Variants in MAP7D3 observed in about 807,000 individuals in gnomAD.
MAP7D3 encodes MAP7 domain containing 3, also known as MAP7 domain-containing protein 3.
In MAP7D3, 45 loss-of-function variants were observed where a neutral mutation model predicts 62.2. That is an observed-to-expected ratio of 0.72 (90% CI 0.57 to 0.93). The LOEUF (loss-of-function observed/expected upper bound fraction) is 0.93, where lower values mean the gene tolerates loss of function less well. Ranked by LOEUF, MAP7D3 falls within the 40% of genes least tolerant of loss-of-function variation. The probability of loss-of-function intolerance (pLI) is 0.00; values close to 1 mark genes in which losing one functional copy is unlikely to be tolerated. For synonymous variants in MAP7D3, 288 were observed against 248.8 expected (o/e 1.16, Z -1.48); for missense variants, 711 against 683.1 (o/e 1.04, Z -0.45).
chrX:136,241,255 T>TA lies in MAP7D3; in HGVS notation c.439dup (p.Tyr147LeufsTer11), dbSNP rs761456919. 1 of 1,143,470 alleles carries TA rather than the reference T, an allele frequency of 8.7e-7. No individual in the cohort carries two copies. Among genetic ancestry groups the TA allele is most frequent in the Non-Finnish European group, 1.2e-6 (1 of 848,790 alleles). The allele number at this position is 1,143,470 out of a possible 1,213,427, so 94.2% of individuals were successfully genotyped here. A position where few individuals can be genotyped will look rare whatever the true frequency, so the allele number is the denominator to read the frequency against. On this transcript the variant is annotated frameshift_variant, in exon 5 of 19. Transcript: ENST00000316077. LOFTEE classifies it high-confidence loss of function. ...AAGTCTCCTCCGTTCCAAAGTACGA[T>TA]AAAGAATGGCTGTAAATTTTTCCTA...
At chrX:136,241,128 C>A in intron 5 of MAP7D3, 32 bp downstream of exon 5, 1 of 828,326 alleles carries the variant, frequency 1.2e-6, no homozygotes, top group Non-Finnish European at 1.8e-6. Flanking sequence ...AGAACATAAA[C>A]AAACTTAAAA....
Position 136,230,976 on chromosome X carries a change from T to C in MAP7D3, c.1414-10A>G. The C allele has an allele frequency of 8.5e-7, 1 of 1,170,900 alleles. No homozygotes were observed. Among genetic ancestry groups the C allele is most frequent in the Non-Finnish European group, 1.1e-6 (1 of 870,754 alleles). ...TGTCCATTTCTGATTTCTGAACAGA[T>C]AAACACAGTATGGTAAATTACTAAC... On this transcript the variant is annotated splice_polypyrimidine_tract_variant and intron_variant, in intron 8 of 18. Coordinates refer to ENST00000316077, the MANE Select transcript of MAP7D3 (RefSeq NM_024597.4).
intron 1 of MAP7D3, among the ~76,000 whole-genome samples, chrX:136,246,705 G>C (rs1161645354): frequency 8.9e-6 from 1 of 111,882 alleles, no homozygotes; most frequent in East Asian, 2.8e-4. Flanking sequence ...GAGCTGGCGA[G>C]GAATTGGGAA....
intron 15 of MAP7D3, 26 bp downstream of exon 15, chrX:136,222,367 A>C: frequency 8.9e-7 from 1 of 1,120,006 alleles, no homozygotes. Flanking sequence ...GAACCTAAGC[A>C]GTCTAGCTCC....
intron 12 of MAP7D3, among the ~76,000 whole-genome samples, chrX:136,226,347 T>C (rs1472640590): frequency 9.0e-6 from 1 of 111,405 alleles, no homozygotes; most frequent in African/African-American, 3.3e-5. Context: ...TCAAAAGCAC[T>C]GAGAGGATTC....
intron 14 of MAP7D3, among the ~76,000 whole-genome samples, chrX:136,222,791 G>A (rs1382656259): frequency 5.5e-5 from 6 of 109,940 alleles, no homozygotes; most frequent in African/African-American, 1.7e-4. Flanking sequence ...TAACTAAGGC[G>A]GGATGGGACT....
Position 136,246,295 on chromosome X carries a change from C to T in MAP7D3, c.117G>A (p.Val39=), listed in dbSNP as rs1484978651. The T allele has an allele frequency of 4.1e-6, 5 of 1,205,647 alleles. No homozygotes were observed. Among genetic ancestry groups the T allele is most frequent in the Non-Finnish European group, 5.6e-6 (5 of 890,418 alleles). The change falls in exon 2 of 19, where the codon GTG becomes GTA. Residue 39 remains valine, a synonymous_variant. Transcript: ENST00000316077. ...EIAKERRKQD[V]VNRVATHSSN... ...AGGAATGGGTTGCAACACGATTAAC[C>T]ACATCTTGCTTCCTCCTTTCCTTAG...
At chrX:136,251,726 T>G, upstream of MAP7D3, 2 of 165,410 alleles carry the variant, frequency 1.2e-5, no homozygotes, top group Non-Finnish European at 2.0e-5. Context: ...ATTCATTCAT[T>G]TAAAGAACAT....
chrX:136,226,344 C>A (rs2074197067), intron 12 of MAP7D3, among the ~76,000 whole-genome samples: 1 of 111,342 alleles, frequency 9.0e-6, no homozygotes, highest in African/African-American at 3.3e-5. Context: ...TTCTCAAAAG[C>A]ACTGAGAGGA....
Position 136,244,645 on chromosome X carries a change from TC to T in MAP7D3, c.403del (p.Asp135MetfsTer62). The T allele has an allele frequency of 8.3e-7, 1 of 1,209,204 alleles. No homozygotes were observed. The highest frequency in any genetic ancestry group is 1.1e-6 in the Non-Finnish European group (1 of 894,599). On this transcript the variant is annotated frameshift_variant, in exon 4 of 19. Coordinates refer to ENST00000316077, the MANE Select transcript of MAP7D3 (RefSeq NM_024597.4). LOFTEE classifies it high-confidence loss of function. ...AAAATTATGTACCTTTTGTGCTTCA[TC>T]CTTCTGGTGTCTTTTTTCTTCTGCA... ...IAAEEKRHQKDEAQKEKFTAI... is the reference protein window; with the variant it reads ...IAAEEKRHQKXEAQKEKFTAI...
At chrX:136,235,609 C>T (rs113165666) in intron 7 of MAP7D3, among the ~76,000 whole-genome samples, 1 of 110,835 alleles carries the variant, frequency 9.0e-6, no homozygotes, top group African/African-American at 3.3e-5. Context: ...ATTAGCCAGG[C>T]GTGGTGGCAG....
In MAP7D3 at chrX:136,232,221, C is replaced by T. The variant is rs1157371805; in HGVS notation, c.737-1G>A. ...ATTACATAATTGGTGACGCCTGTAA[C>T]TGAATGAGGACAGAGCATGAAATTC... On this transcript the variant is annotated splice_acceptor_variant, in intron 7 of 18. Coordinates refer to ENST00000316077, the MANE Select transcript of MAP7D3 (RefSeq NM_024597.4). LOFTEE classifies it high-confidence loss of function. 8.5e-7 allele frequency: 1 copy of T among 1,172,123 alleles called. No homozygotes were observed. Among genetic ancestry groups the T allele is most frequent in the South Asian group, 1.9e-5 (1 of 53,528 alleles).
intron 4 of MAP7D3, among the ~76,000 whole-genome samples, chrX:136,242,813 T>TCTTGGTTC (rs1209199281): frequency 8.9e-6 from 1 of 112,120 alleles, no homozygotes; most frequent in Non-Finnish European, 1.9e-5. Context: ...CTTTCTTCGT[T>TCTTGGTTC]TATCATTACT....
rs2074447236 is a variant in MAP7D3, at chrX:136,246,229, C to T, written c.169+14G>A. ...GACACTTTGACATCTATCAAAGCAT[C>T]AGAGAAATTATACCTGGTTTAAATG... On this transcript the variant is annotated intron_variant, in intron 2 of 18. Transcript: ENST00000316077. 8.6e-7 allele frequency: 1 copy of T among 1,157,575 alleles called. No homozygotes were observed. The highest frequency in any genetic ancestry group is 1.2e-6 in the Non-Finnish European group (1 of 848,817).
intron 14 of MAP7D3, among the ~76,000 whole-genome samples, chrX:136,222,968 G>A (rs2074148682): frequency 9.1e-6 from 1 of 110,253 alleles, no homozygotes; most frequent in Non-Finnish European, 1.9e-5. Context: ...AGCCTCCCAA[G>A]TAGCTGGGAC....
chrX:136,246,749 G>C (rs2074453067), intron 1 of MAP7D3, among the ~76,000 whole-genome samples: 2 of 112,360 alleles, frequency 1.8e-5, no homozygotes, highest in African/African-American at 6.5e-5. Flanking sequence ...GAATTCAGAA[G>C]ATAACAGGTT....
chrX:136,215,919 G>A (rs927396106), downstream of MAP7D3, among the ~76,000 whole-genome samples: 4 of 111,351 alleles, frequency 3.6e-5, no homozygotes, highest in Non-Finnish European at 7.5e-5. Flanking sequence ...AGGGAAAGGG[G>A]AGTGACTGCT....
intron 7 of MAP7D3, among the ~76,000 whole-genome samples, chrX:136,235,544 T>C (rs1249147708): frequency 1.8e-5 from 2 of 109,649 alleles, no homozygotes; most frequent in Non-Finnish European, 3.8e-5. Context: ...AGGTCAGGAG[T>C]TCAAGACCAG....
intron 5 of MAP7D3, 59 bp from the exon 6 acceptor site, chrX:136,240,545 T>G (rs904657952): frequency 1.3e-6 from 1 of 799,666 alleles, no homozygotes; most frequent in Non-Finnish European, 1.9e-6. Flanking sequence ...AATCATTAAC[T>G]GAAAAAAAAA....
Sources: allele counts gnomAD v4.1 joint callset (sites outside exome capture counted in the v4.1 genomes callset), GRCh38; gene constraint gnomAD v4.1.1; transcripts MANE v1.5; gene names NCBI Gene and HGNC (gene_info 2026-07-23, HGNC 2026-07-21).